Variants in SNTG1 observed in about 807,000 individuals in gnomAD.
The protein encoded by SNTG1 is syntrophin gamma 1, also known as gamma-1-syntrophin.
Under a neutral mutation model 74.7 loss-of-function variants are expected in SNTG1, and 39 were observed. The observed-to-expected ratio is 0.52, with a 90% CI of 0.40 to 0.68. The LOEUF (loss-of-function observed/expected upper bound fraction) is 0.68. SNTG1 is among the 30% of genes least tolerant of loss of function. The pLI is 0.00. For synonymous variants in SNTG1, 254 were observed against 217.1 expected (o/e 1.17, Z -1.49); for missense variants, 685 against 609.5 (o/e 1.12, Z -1.30).
At chr8:50,624,953 G>A (rs1469102936) in intron 13 of SNTG1, among the ~76,000 whole-genome samples, 1 of 152,118 alleles carries the variant, frequency 6.6e-6, no homozygotes, top group Non-Finnish European at 1.5e-5. Context: ...GTGGTCCAAA[G>A]TACTCAATTT....
At chr8:50,347,184 G>A (rs1044132062) in intron 2 of SNTG1, among the ~76,000 whole-genome samples, 1 of 152,174 alleles carries the variant, frequency 6.6e-6, no homozygotes, top group African/African-American at 2.4e-5. Context: ...CTCTTGTTAG[G>A]AGCTAATGCA....
intron 15 of SNTG1, among the ~76,000 whole-genome samples, chr8:50,673,928 A>C (rs2095297640): frequency 6.6e-6 from 1 of 152,134 alleles, no homozygotes; most frequent in African/African-American, 2.4e-5. Flanking sequence ...GCATCTATTG[A>C]GATTATCACG....
At chr8:50,127,804 A>G (rs576410913) in intron 1 of SNTG1, among the ~76,000 whole-genome samples, 6 of 152,262 alleles carry the variant, frequency 3.9e-5, no homozygotes, top group Admixed American at 2.6e-4. Flanking sequence ...AATAAATGTT[A>G]TCTTCATTTA....
chr8:50,249,692 T>G (rs2086561456), intron 2 of SNTG1, among the ~76,000 whole-genome samples: 1 of 152,126 alleles, frequency 6.6e-6, no homozygotes, highest in Non-Finnish European at 1.5e-5. Flanking sequence ...AGGCCTATAA[T>G]AATCTCACAC....
intron 15 of SNTG1, among the ~76,000 whole-genome samples, chr8:50,690,817 C>G (rs2095374872): frequency 6.6e-6 from 1 of 152,030 alleles, no homozygotes; most frequent in Non-Finnish European, 1.5e-5. Context: ...AACTTTCTGT[C>G]TCGTTGATCT....
intron 1 of SNTG1, among the ~76,000 whole-genome samples, chr8:49,952,927 T>C (rs2129393800): frequency 6.6e-6 from 1 of 152,326 alleles, no homozygotes; most frequent in Non-Finnish European, 1.5e-5. Context: ...TATTGACTGG[T>C]GGCATAGGCA....
intron 13 of SNTG1, among the ~76,000 whole-genome samples, chr8:50,599,211 C>G (rs1461455441): frequency 6.6e-6 from 1 of 151,962 alleles, no homozygotes; most frequent in East Asian, 1.9e-4. Flanking sequence ...CTATTCTGTT[C>G]CAATGATCTG....
At chr8:49,918,881 C>T (rs546978977) in intron 1 of SNTG1, among the ~76,000 whole-genome samples, 1 of 152,182 alleles carries the variant, frequency 6.6e-6, no homozygotes, top group East Asian at 1.9e-4. Context: ...CTTAAAGTGG[C>T]TTAATCCAAA....
chr8:50,562,898 A>G (rs2094496358), intron 12 of SNTG1, among the ~76,000 whole-genome samples: 1 of 152,216 alleles, frequency 6.6e-6, no homozygotes, highest in African/African-American at 2.4e-5. Flanking sequence ...TAACCAACTG[A>G]CATCATCAGA....
chr8:50,350,341 G>T (rs2091618512), intron 2 of SNTG1, among the ~76,000 whole-genome samples: 1 of 152,182 alleles, frequency 6.6e-6, no homozygotes, highest in African/African-American at 2.4e-5. Context: ...CTCCACCTGT[G>T]GCCCTGGTGC....
intron 11 of SNTG1, among the ~76,000 whole-genome samples, chr8:50,544,903 A>C (rs980963484): frequency 2.0e-5 from 3 of 152,024 alleles, no homozygotes; most frequent in African/African-American, 7.2e-5. Context: ...AAAGATAAAT[A>C]AGTGATTTAT....
intron 1 of SNTG1, among the ~76,000 whole-genome samples, chr8:49,987,319 G>A (rs1813257158): frequency 6.6e-6 from 1 of 152,132 alleles, no homozygotes; most frequent in Non-Finnish European, 1.5e-5. Flanking sequence ...GAATGGCAAT[G>A]TGAAACAACC....
intron 15 of SNTG1, among the ~76,000 whole-genome samples, chr8:50,676,577 C>G (rs757169975): frequency 6.6e-6 from 1 of 151,870 alleles, no homozygotes; most frequent in Non-Finnish European, 1.5e-5. Flanking sequence ...TTAAAACATG[C>G]TCCTTTAGCT....
At chr8:50,432,758 T>A (rs2093252654) in intron 4 of SNTG1, among the ~76,000 whole-genome samples, 1 of 151,836 alleles carries the variant, frequency 6.6e-6, no homozygotes, top group African/African-American at 2.4e-5. Context: ...TATTTTTCTT[T>A]TATTTTTTAT....
At chr8:49,999,065 T>A (rs1220898450) in intron 1 of SNTG1, among the ~76,000 whole-genome samples, 1 of 152,124 alleles carries the variant, frequency 6.6e-6, no homozygotes, top group Non-Finnish European at 1.5e-5. Flanking sequence ...CTTTATAATC[T>A]TACAGAACTG....
chr8:50,544,808 A>C (rs926803119), intron 11 of SNTG1, among the ~76,000 whole-genome samples: 2 of 152,076 alleles, frequency 1.3e-5, no homozygotes, highest in African/African-American at 2.4e-5. Context: ...AATATCTGTA[A>C]GTGGGAGACA....
intron 1 of SNTG1, among the ~76,000 whole-genome samples, chr8:49,921,207 A>G (rs1477287716): frequency 6.6e-6 from 1 of 152,116 alleles, no homozygotes; most frequent in Admixed American, 6.6e-5. Context: ...TTTCAAAAGT[A>G]AGAAAAAAAT....
At position 50,701,732 on chromosome 8, in the gene SNTG1, TTTTCTTTTTCTTCTC is replaced by T. The variant is rs1172123904; in HGVS notation, c.1039-2867_1039-2853del. On this transcript the variant is annotated intron_variant, in intron 15 of 18. Coordinates refer to ENST00000642720, the MANE Select transcript of SNTG1 (RefSeq NM_018967.5). ...TTCATCTTCCTCTTTTTCTTCTTCTTTTTCTTTTTCTTCTCCTTCTTCTCCTTCTTCTTCTTCTTC... is the reference window on the plus strand; with the variant it reads ...TTCATCTTCCTCTTTTTCTTCTTCTTCTTCTTCTCCTTCTTCTTCTTCTTC... Among the ~76,000 whole-genome samples the T allele has an allele frequency of 1.7e-4, 11 of 62,996 alleles. No individual in the cohort carries two copies. The East Asian group carries it at 6.5e-3, about 37-fold the overall frequency. The allele number at this position is 62,996 out of a possible 152,430, so 41.3% of individuals were successfully genotyped here.
intron 12 of SNTG1, among the ~76,000 whole-genome samples, chr8:50,579,140 T>C (rs1322448860): frequency 1.3e-5 from 2 of 152,154 alleles, no homozygotes; most frequent in African/African-American, 4.8e-5. Flanking sequence ...ATATGGACAA[T>C]GAAGTCCAGG....
Sources: allele counts gnomAD v4.1 joint callset (sites outside exome capture counted in the v4.1 genomes callset), GRCh38; gene constraint gnomAD v4.1.1; transcripts MANE v1.5; gene names NCBI Gene and HGNC (gene_info 2026-07-23, HGNC 2026-07-21).